THRAP3: variants seen among roughly 807,000 people sequenced by gnomAD.
THRAP3 encodes thyroid hormone receptor associated protein 3.
THRAP3 carries 16 observed loss-of-function variants against 101.0 expected under a neutral mutation model. The ratio of observed to expected loss-of-function variants is 0.16; its 90% CI spans 0.11 to 0.24. The LOEUF (loss-of-function observed/expected upper bound fraction) is 0.24, where lower values mean the gene tolerates loss of function less well. Ranked by LOEUF, THRAP3 falls within the 10% of genes least tolerant of loss-of-function variation. The pLI, the probability that THRAP3 is intolerant of heterozygous loss-of-function variation, is 1.00. For missense variants in THRAP3, 989 were observed against 1,202.7 expected (o/e 0.82, Z 2.63); for synonymous variants, 407 against 422.6 (o/e 0.96, Z 0.45).
At chr1:36,302,264 A>G (rs1246239077) in intron 11 of THRAP3, among the ~76,000 whole-genome samples, 2 of 152,210 alleles carry the variant, frequency 1.3e-5, no homozygotes, top group Non-Finnish European at 2.9e-5. Flanking sequence ...ACAGCAGACT[A>G]AGATCCAAGC....
intron 2 of THRAP3, among the ~76,000 whole-genome samples, chr1:36,276,557 A>G (rs1373330681): frequency 6.7e-6 from 1 of 148,632 alleles, no homozygotes; most frequent in Non-Finnish European, 1.5e-5. Flanking sequence ...TTCAAAGGAC[A>G]GCATCAAGAA....
At chr1:36,248,659 T>G (rs1161224408) in intron 1 of THRAP3, among the ~76,000 whole-genome samples, 1 of 151,784 alleles carries the variant, frequency 6.6e-6, no homozygotes, top group African/African-American at 2.4e-5. Flanking sequence ...TTCCAGCATT[T>G]TATATTTCTT....
chr1:36,271,884 G>A (rs1250283681), intron 2 of THRAP3, among the ~76,000 whole-genome samples: 1 of 150,758 alleles, frequency 6.6e-6, no homozygotes, highest in Non-Finnish European at 1.5e-5. Flanking sequence ...GTGAGCCACC[G>A]CACCCGGCCT....
chr1:36,240,900 T>C (rs1180359580), intron 1 of THRAP3, among the ~76,000 whole-genome samples: 4 of 152,152 alleles, frequency 2.6e-5, no homozygotes, highest in African/African-American at 9.6e-5. Context: ...TTTCTGTTTT[T>C]TCCTTCTTAA....
intron 1 of THRAP3, among the ~76,000 whole-genome samples, chr1:36,251,949 C>T (rs1645306083): frequency 6.6e-6 from 1 of 152,080 alleles, no homozygotes; most frequent in Non-Finnish European, 1.5e-5. Context: ...GCCAGATGTG[C>T]TCTTATTATT....
intron 9 of THRAP3, among the ~76,000 whole-genome samples, chr1:36,300,386 C>T (rs903046388): frequency 6.6e-6 from 1 of 152,202 alleles, no homozygotes; most frequent in African/African-American, 2.4e-5. Context: ...TCCTTTACTG[C>T]ATGCCAGCTA....
At chr1:36,217,306 A>G in the THRAP3 span, among the ~76,000 whole-genome samples, 5 of 152,110 alleles carry the variant, frequency 3.3e-5, no homozygotes, top group Non-Finnish European at 7.3e-5. Flanking sequence ...TGACTCTAAG[A>G]TGTAGATAAG....
At chr1:36,249,453 A>T (rs920559197) in intron 1 of THRAP3, among the ~76,000 whole-genome samples, 1 of 152,012 alleles carries the variant, frequency 6.6e-6, no homozygotes, top group Non-Finnish European at 1.5e-5. Context: ...TGCCTCCCAA[A>T]GTGCTGAGAT....
chr1:36,226,792 C>T lies in THRAP3; in HGVS notation c.-135+2287C>T, dbSNP rs575926996. 2.0e-5 allele frequency among the ~76,000 whole-genome samples: 3 copies of T among 152,272 alleles called. No individual in the cohort carries two copies. The South Asian group carries it at 6.2e-4, about 32-fold the overall frequency. On this transcript the variant is annotated intron_variant, in intron 1 of 11. Coordinates refer to ENST00000354618, the MANE Select transcript of THRAP3 (RefSeq NM_005119.4). The stretch of plus-strand genomic sequence containing the variant: ...TATTCAACAAATACTACTTGAGAGC[C>T]TGTCATTTACCAGCTTCTGTTGTGG...
At chr1:36,263,976 A>G (rs981260116) in intron 2 of THRAP3, among the ~76,000 whole-genome samples, 2 of 152,216 alleles carry the variant, frequency 1.3e-5, no homozygotes, top group African/African-American at 4.8e-5. Context: ...GACACATGCT[A>G]ATTTAGCCAG....
chr1:36,244,569 G>A (rs1212870114), intron 1 of THRAP3, among the ~76,000 whole-genome samples: 1 of 152,044 alleles, frequency 6.6e-6, no homozygotes, highest in African/African-American at 2.4e-5. Flanking sequence ...TTTCCTCTTC[G>A]TCACTTCTAC....
intron 8 of THRAP3, among the ~76,000 whole-genome samples, chr1:36,295,567 T>TCCTTCCTC (rs1645936349): frequency 1.4e-5 from 2 of 144,592 alleles, no homozygotes; most frequent in Admixed American, 1.4e-4. Context: ...CTTCCTTCCT[T>TCCTTCCTC]CCTTCCTTCC....
intron 8 of THRAP3, among the ~76,000 whole-genome samples, chr1:36,295,246 A>G (rs1645930641): frequency 6.6e-6 from 1 of 152,110 alleles, no homozygotes; most frequent in Non-Finnish European, 1.5e-5. Context: ...GGAAAAAAAA[A>G]AAAAAGAATA....
In THRAP3 at chr1:36,305,174, C is replaced by CGCA. The variant is rs1646086547; in HGVS notation, c.*1157_*1158insGCA. ...ATGCATATGTTATATGCGGACTGCA[C>CGCA]CCACCTCTCCCCCCCAGCCTTTGCC... On this transcript the variant is annotated 3_prime_UTR_variant, in exon 12 of 12. Transcript: ENST00000354618. The CGCA allele has an allele frequency of 4.5e-6, 1 of 221,464 alleles. No homozygotes were observed. The highest frequency in any genetic ancestry group is 1.8e-4 in the South Asian group (1 of 5,408). The allele number at this position is 221,464 out of a possible 1,614,324, so 13.7% of individuals were successfully genotyped here.
chr1:36,251,889 G>T (rs193009100), intron 1 of THRAP3, among the ~76,000 whole-genome samples: 67 of 152,280 alleles, frequency 4.4e-4, no homozygotes, highest in African/African-American at 1.4e-3. Context: ...CTTATCCGGG[G>T]TCTCACAACT....
At chr1:36,208,280 C>T in the THRAP3 span, among the ~76,000 whole-genome samples, 1 of 152,118 alleles carries the variant, frequency 6.6e-6, no homozygotes, top group South Asian at 2.1e-4. Context: ...CCTGGACCTT[C>T]CCTGTAAGGT....
intron 1 of THRAP3, among the ~76,000 whole-genome samples, chr1:36,255,377 C>T (rs1170283751): frequency 6.6e-6 from 1 of 151,682 alleles, no homozygotes; most frequent in African/African-American, 2.4e-5. Flanking sequence ...ACTGTAATCC[C>T]AGCACTTTGG....
At chr1:36,291,168 C>G (rs1240230849) in intron 5 of THRAP3, among the ~76,000 whole-genome samples, 1 of 152,170 alleles carries the variant, frequency 6.6e-6, no homozygotes, top group Non-Finnish European at 1.5e-5. Flanking sequence ...CTTCACTCCA[C>G]TTGAAGATTC....
chr1:36,287,331 G>T, intron 4 of THRAP3, 61 bp downstream of exon 4: 1 of 1,498,270 alleles, frequency 6.7e-7, no homozygotes, highest in Non-Finnish European at 8.9e-7. Flanking sequence ...CAGTTTAATT[G>T]TAATGTGATC....
Sources: allele counts gnomAD v4.1 joint callset (sites outside exome capture counted in the v4.1 genomes callset), GRCh38; gene constraint gnomAD v4.1.1; transcripts MANE v1.5; gene names NCBI Gene and HGNC (gene_info 2026-07-23, HGNC 2026-07-21).